HTR1F: variants seen among roughly 807,000 people sequenced by gnomAD.
HTR1F encodes the protein 5-hydroxytryptamine (serotonin) receptor 1F, G protein-coupled.
HTR1F carries 17 observed loss-of-function variants against 24.0 expected under a neutral mutation model. That is an observed-to-expected ratio of 0.71 (90% CI 0.48 to 1.06). The LOEUF is 1.06. Among genes scored for constraint, HTR1F ranks in the 50% least tolerant of loss-of-function variants. The probability of loss-of-function intolerance (pLI) is 0.00; values close to 1 mark genes in which losing one functional copy is unlikely to be tolerated. For missense variants in HTR1F, 391 were observed against 427.8 expected, an observed-to-expected ratio of 0.91 and a Z score of 0.76; for synonymous variants, 186 against 156.8, an observed-to-expected ratio of 1.19 and a Z score of -1.39.
intron 2 of HTR1F, among the ~76,000 whole-genome samples, chr3:87,879,278 T>A (rs1182173724): frequency 6.6e-6 from 1 of 152,218 alleles, no homozygotes; most frequent in Non-Finnish European, 1.5e-5. Flanking sequence ...AATTAAAATA[T>A]TCACCCTGAG....
At chr3:87,824,321 A>G (rs1288918859) in intron 2 of HTR1F, among the ~76,000 whole-genome samples, 1 of 152,120 alleles carries the variant, frequency 6.6e-6, no homozygotes, top group Non-Finnish European at 1.5e-5. Flanking sequence ...AGCAAGTCCT[A>G]TGCATCCTAC....
intron 2 of HTR1F, among the ~76,000 whole-genome samples, chr3:87,888,235 T>C (rs1015545288): frequency 3.9e-5 from 6 of 152,050 alleles, no homozygotes; most frequent in Non-Finnish European, 7.4e-5. Context: ...AACCAAACAC[T>C]GCATTCTTTC....
intron 2 of HTR1F, among the ~76,000 whole-genome samples, chr3:87,886,685 C>T (rs949779179): frequency 6.6e-6 from 1 of 151,682 alleles, no homozygotes; most frequent in Non-Finnish European, 1.5e-5. Flanking sequence ...AAGCATTCGT[C>T]TACACCAATA....
At chr3:87,860,159 C>T (rs572238784) in intron 2 of HTR1F, among the ~76,000 whole-genome samples, 1 of 152,168 alleles carries the variant, frequency 6.6e-6, no homozygotes, top group East Asian at 1.9e-4. Flanking sequence ...TACCATTTTA[C>T]ATTAATAACA....
rs531427719 is a variant in HTR1F at position 87,946,816 on chromosome 3, G to A, written c.-42-43892G>A. Among the ~76,000 whole-genome samples the A allele has an allele frequency of 1.3e-4, 19 of 151,908 alleles. No homozygotes were observed. In the East Asian group the frequency reaches 1.9e-3, roughly 15 times the overall value. ...AATTTTTTGTGTTTTTAGTAGAGTC[G>A]GGGTTTCACTGTGTTAGCCAGGATG... On this transcript the variant is annotated intron_variant, in intron 2 of 2. Transcript: ENST00000319595.
At chr3:87,869,431 AGATACATAGATAGATAGATAGAT>A (rs1705503590) in intron 2 of HTR1F, among the ~76,000 whole-genome samples, 2 of 139,494 alleles carry the variant, frequency 1.4e-5, no homozygotes, top group African/African-American at 5.6e-5. Flanking sequence ...ATAGATAGAT[AGATACATAGATAGATAGATAGAT>A]GATAGATAGA....
In HTR1F at chr3:87,942,653, CT is replaced by C. The variant is rs367552194; in HGVS notation, c.-42-48054del. Among the ~76,000 whole-genome samples, 5 of 152,158 alleles carry C rather than the reference CT, an allele frequency of 3.3e-5. No homozygotes were observed. In the East Asian group the frequency reaches 5.8e-4, roughly 18 times the overall value. On this transcript the variant is annotated intron_variant, in intron 2 of 2. Coordinates refer to ENST00000319595, the MANE Select transcript of HTR1F (RefSeq NM_001322209.2). ...TTGTAGACCGCACTGGAAGCAAGCC[CT>C]ATTAGGCATTCAATTTGCCCAGCTT...
intron 2 of HTR1F, among the ~76,000 whole-genome samples, chr3:87,843,897 T>C (rs1432975878): frequency 1.1e-4 from 17 of 151,772 alleles, no homozygotes. Flanking sequence ...ATGGTGTATA[T>C]GCGCCACATT....
intron 2 of HTR1F, among the ~76,000 whole-genome samples, chr3:87,862,820 T>C (rs957556092): frequency 1.3e-5 from 2 of 152,162 alleles, no homozygotes; most frequent in Non-Finnish European, 2.9e-5. Flanking sequence ...TTTTTTTCTT[T>C]TCTTTTCTTT....
At chr3:87,975,364 A>G (rs1705372599) in intron 2 of HTR1F, among the ~76,000 whole-genome samples, 1 of 152,140 alleles carries the variant, frequency 6.6e-6, no homozygotes, top group Admixed American at 6.5e-5. Flanking sequence ...AATCTTGGAG[A>G]ATTGATACTA....
chr3:87,909,419 T>G (rs1226073719), intron 2 of HTR1F, among the ~76,000 whole-genome samples: 1 of 151,986 alleles, frequency 6.6e-6, no homozygotes, highest in Non-Finnish European at 1.5e-5. Flanking sequence ...AAAAGTCAAC[T>G]CGTTACGTGC....
intron 2 of HTR1F, among the ~76,000 whole-genome samples, chr3:87,935,959 T>C (rs1387053364): frequency 1.3e-5 from 2 of 152,098 alleles, no homozygotes; most frequent in Non-Finnish European, 2.9e-5. Context: ...CAAGCGATCC[T>C]CCTGCCTCAG....
chr3:87,959,157 C>T (rs1469525265), intron 2 of HTR1F, among the ~76,000 whole-genome samples: 2 of 151,698 alleles, frequency 1.3e-5, no homozygotes, highest in African/African-American at 2.4e-5. Context: ...CTGAGGAAGA[C>T]AATAGCATAT....
chr3:87,929,889 G>A (rs1193649506), intron 2 of HTR1F, among the ~76,000 whole-genome samples: 1 of 152,140 alleles, frequency 6.6e-6, no homozygotes, highest in Non-Finnish European at 1.5e-5. Flanking sequence ...ATTGCTTTGA[G>A]CAGTATGGCC....
At chr3:87,850,175 A>C (rs1705049466) in intron 2 of HTR1F, among the ~76,000 whole-genome samples, 1 of 152,028 alleles carries the variant, frequency 6.6e-6, no homozygotes, top group Non-Finnish European at 1.5e-5. Flanking sequence ...TTATTGAGGC[A>C]CTATTCACAA....
rs187299976 is a variant in HTR1F, at chr3:87,850,765, A to G, written c.-43+28641A>G. ...AAACATATGAACTCTGATCATGAAA[A>G]TGGCATATATAAAGTTTGTATGCAG... On this transcript the variant is annotated intron_variant, in intron 2 of 2. Coordinates refer to ENST00000319595, the MANE Select transcript of HTR1F (RefSeq NM_001322209.2). 2.0e-5 allele frequency among the ~76,000 whole-genome samples: 3 copies of G among 151,610 alleles called. 1 individual carries two copies. The highest frequency in any genetic ancestry group is 4.8e-5 in the African/African-American group (2 of 41,248).
At chr3:87,967,874 C>T (rs949853238) in intron 2 of HTR1F, among the ~76,000 whole-genome samples, 30 of 152,184 alleles carry the variant, frequency 2.0e-4, no homozygotes, top group Middle Eastern at 6.8e-3. Context: ...TATAGTAGGG[C>T]GCAGCTGTAA....
chr3:87,918,468 G>A (rs1559631169), intron 2 of HTR1F, among the ~76,000 whole-genome samples: 1 of 151,968 alleles, frequency 6.6e-6, no homozygotes, highest in Admixed American at 6.6e-5. Context: ...CATTTACCTA[G>A]AAAACCCTAA....
At chr3:87,875,911 A>T (rs758514876) in intron 2 of HTR1F, among the ~76,000 whole-genome samples, 1 of 144,400 alleles carries the variant, frequency 6.9e-6, no homozygotes, top group Non-Finnish European at 1.5e-5. Flanking sequence ...GCAGAAGAGC[A>T]AGGCTCCGTC....
Sources: gnomAD v4.1 joint callset for allele counts (sites outside exome capture counted in the v4.1 genomes callset) on GRCh38, gnomAD v4.1.1 for gene constraint, MANE v1.5 for transcripts, NCBI Gene and HGNC (gene_info 2026-07-23, HGNC 2026-07-21) for gene names.